The following NEK10 variants were observed in gnomAD, a reference collection of about 807,000 sequenced individuals.
The protein encoded by NEK10 is NIMA related kinase 10.
NEK10 carries 122 observed loss-of-function variants against 159.8 expected under a neutral mutation model. The ratio of observed to expected loss-of-function variants is 0.76; its 90% CI spans 0.66 to 0.89. The LOEUF (loss-of-function observed/expected upper bound fraction) is 0.89, where lower values mean the gene tolerates loss of function less well. Ranked by LOEUF, NEK10 falls within the 40% of genes least tolerant of loss-of-function variation. The pLI is 0.00. For synonymous variants in NEK10, 466 were observed against 457.1 expected (o/e 1.02, Z -0.25); for missense variants, 1,342 against 1,323.1 (o/e 1.01, Z -0.22).
chr3:27,318,773 T>C (rs1210864872), intron 6 of NEK10, among the ~76,000 whole-genome samples: 1 of 151,006 alleles, frequency 6.6e-6, no homozygotes, highest in Non-Finnish European at 1.5e-5. Flanking sequence ...TACTGTGTCA[T>C]CAAGGTGGTT....
chr3:27,133,831 C>A (rs373586407), intron 31 of NEK10, among the ~76,000 whole-genome samples: 1 of 152,044 alleles, frequency 6.6e-6, no homozygotes, highest in Non-Finnish European at 1.5e-5. Context: ...CGTTAATTAG[C>A]GAAGAAATAA....
At chr3:27,320,216 T>C (rs2045521801) in intron 6 of NEK10, among the ~76,000 whole-genome samples, 1 of 151,782 alleles carries the variant, frequency 6.6e-6, no homozygotes, top group Non-Finnish European at 1.5e-5. Context: ...CGTCTCTGAG[T>C]TTTTTCCTTC....
Position 27,156,929 on chromosome 3 carries a change from GATATATATATATATATATATATAT to G in NEK10, c.2869+5748_2869+5771del, listed in dbSNP as rs4016654. On this transcript the variant is annotated intron_variant, in intron 30 of 35. Coordinates refer to ENST00000691995, the MANE Select transcript of NEK10 (RefSeq NM_001394966.1). Reference sequence around the variant, plus strand: ...CAATCAAGGAGTGCATAAAGAAACTGATATATATATATATATATATATATATATATATATATATATATATATATA... The same window carrying G: ...CAATCAAGGAGTGCATAAAGAAACTGATATATATATATATATATATATATA... Among the ~76,000 whole-genome samples the G allele has an allele frequency of 2.6e-3, 74 of 28,340 alleles. 1 individual carries two copies. The highest frequency in any genetic ancestry group is 2.8e-3 in the Non-Finnish European group (40 of 14,136). The allele number at this position is 28,340 out of a possible 152,430, so 18.6% of individuals were successfully genotyped here. A position where few individuals can be genotyped will look rare whatever the true frequency, so the allele number is the denominator to read the frequency against.
intron 3 of NEK10, among the ~76,000 whole-genome samples, chr3:27,351,832 T>C (rs1398384142): frequency 6.6e-6 from 1 of 152,048 alleles, no homozygotes; most frequent in Non-Finnish European, 1.5e-5. Context: ...TTATTAGCAT[T>C]GCTATGCTGT....
intron 26 of NEK10, among the ~76,000 whole-genome samples, chr3:27,191,656 T>C (rs573235104): frequency 6.6e-6 from 1 of 152,348 alleles, no homozygotes; most frequent in African/African-American, 2.4e-5. Flanking sequence ...GCAAATGTTA[T>C]TTCCTTCTCT....
chr3:27,203,575 AAC>A (rs35548910), intron 23 of NEK10, among the ~76,000 whole-genome samples: 35,671 of 151,930 alleles, frequency 0.23, 4,524 homozygotes, highest in Middle Eastern at 0.37. Flanking sequence ...AAAAGTACTC[AAC>A]ACACACACAC....
intron 32 of NEK10, among the ~76,000 whole-genome samples, chr3:27,126,847 T>G (rs1258685500): frequency 6.6e-6 from 1 of 151,892 alleles, no homozygotes; most frequent in Non-Finnish European, 1.5e-5. Context: ...AAAAAGTCAC[T>G]CCCTTCTTCC....
intron 6 of NEK10, 106 bp from the exon 7 acceptor site, chr3:27,314,444 G>A (rs1432578033): frequency 2.8e-6 from 2 of 724,796 alleles, no homozygotes; most frequent in African/African-American, 3.5e-5. Flanking sequence ...TAATTATATT[G>A]TGAAGGTCTA....
At chr3:27,320,470 A>G (rs1323493706) in intron 6 of NEK10, among the ~76,000 whole-genome samples, 3 of 152,328 alleles carry the variant, frequency 2.0e-5, no homozygotes, top group East Asian at 3.9e-4. Flanking sequence ...AGAATAAAAG[A>G]CGGCACTATG....
rs1432279009 is a variant in NEK10, at chr3:27,297,218, C to T, written c.1191G>A (p.Glu397=). The T allele has an allele frequency of 3.1e-6, 5 of 1,613,258 alleles. No individual in the cohort carries two copies. In the Admixed American group the frequency reaches 5.0e-5, roughly 16 times the overall value. The stretch of plus-strand genomic sequence containing the variant: ...GGGCATTGGTGTCATTGAGCACCAG[C>T]TCAGTGAGGGCAGCACAGCAGGCTG... ...LQAACCAALT[E]LVLNDTNAHQ... is the part of the protein sequence containing the mutation. The change falls in exon 14 of 36, where the codon GAG becomes GAA. Residue 397 remains glutamate (E), a synonymous_variant. Coordinates refer to ENST00000691995, the MANE Select transcript of NEK10 (RefSeq NM_001394966.1).
intron 10 of NEK10, among the ~76,000 whole-genome samples, chr3:27,308,402 C>A (rs984470558): frequency 1.3e-5 from 2 of 152,072 alleles, no homozygotes; most frequent in African/African-American, 4.8e-5. Flanking sequence ...TATTTAATAT[C>A]CTAGCTCCAA....
At chr3:27,164,999 T>C (rs191471736) in intron 29 of NEK10, among the ~76,000 whole-genome samples, 126 of 152,372 alleles carry the variant, frequency 8.3e-4, no homozygotes, top group Admixed American at 1.7e-3. Context: ...CTGCCGCTTT[T>C]GCTATTCCTT....
intron 1 of NEK10, among the ~76,000 whole-genome samples, chr3:27,365,658 G>A (rs2049028274): frequency 8.9e-6 from 1 of 112,106 alleles, no homozygotes; most frequent in Admixed American, 1.3e-4. Flanking sequence ...TATTGCCCAC[G>A]GTGGAGTGCA....
intron 10 of NEK10, among the ~76,000 whole-genome samples, chr3:27,308,251 C>T (rs372379243): frequency 6.6e-6 from 1 of 152,284 alleles, no homozygotes; most frequent in African/African-American, 2.4e-5. Context: ...ATCATGAGAA[C>T]AGCATGGAGG....
At chr3:27,293,541 A>T in intron 16 of NEK10, 47 bp downstream of exon 16, 1 of 993,742 alleles carries the variant, frequency 1.0e-6, no homozygotes. Flanking sequence ...GTTCAATCTA[A>T]TGATCTCCTA....
intron 23 of NEK10, among the ~76,000 whole-genome samples, chr3:27,212,100 T>C (rs1414383289): frequency 6.6e-6 from 1 of 152,226 alleles, no homozygotes; most frequent in Non-Finnish European, 1.5e-5. Flanking sequence ...ACATTTGTTT[T>C]TCAGTGTGGT....
intron 15 of NEK10, among the ~76,000 whole-genome samples, chr3:27,294,781 AGAT>A (rs2043233749): frequency 1.3e-5 from 2 of 152,194 alleles, no homozygotes; most frequent in African/African-American, 4.8e-5. Context: ...GGAAAAAAAA[AGAT>A]GAGCTACAAC....
chr3:27,139,320 GA>G (rs1943546794), intron 31 of NEK10, among the ~76,000 whole-genome samples: 1 of 152,088 alleles, frequency 6.6e-6, no homozygotes, highest in East Asian at 1.9e-4. Flanking sequence ...TTCTTTGCTT[GA>G]AAACCCTATG....
chr3:27,308,858 T>G (rs1324641815), intron 10 of NEK10, 68 bp downstream of exon 10: 4 of 659,826 alleles, frequency 6.1e-6, no homozygotes, highest in Admixed American at 5.3e-5. Flanking sequence ...AACTGATTAT[T>G]TTGCATCCTT....
Sources: gnomAD v4.1 joint callset for allele counts (sites outside exome capture counted in the v4.1 genomes callset) on GRCh38, gnomAD v4.1.1 for gene constraint, MANE v1.5 for transcripts, NCBI Gene and HGNC (gene_info 2026-07-23, HGNC 2026-07-21) for gene names.